PEG3: variants seen among roughly 807,000 people sequenced by gnomAD.
PEG3 encodes the protein paternally-expressed gene 3 protein.
PEG3 carries 23 observed loss-of-function variants against 35.5 expected under a neutral mutation model. That is an observed-to-expected ratio of 0.65 (90% CI 0.47 to 0.92). PEG3 has a LOEUF of 0.92. Ranked by LOEUF, PEG3 falls within the 40% of genes least tolerant of loss-of-function variation. The probability of loss-of-function intolerance (pLI) is 0.00; values close to 1 mark genes in which losing one functional copy is unlikely to be tolerated. For missense variants in PEG3, 1,960 were observed against 1,985.3 expected (o/e 0.99, Z 0.24); for synonymous variants, 707 against 697.0 (o/e 1.01, Z -0.23).
rs755587109 is a variant in PEG3 at position 56,816,599 on chromosome 19, T to A, written c.1843A>T (p.Asn615Tyr). 2 of 1,613,974 alleles carry A rather than the reference T, an allele frequency of 1.2e-6. No homozygotes were observed. The highest frequency in any genetic ancestry group is 1.7e-6 in the Non-Finnish European group (2 of 1,179,920). The change falls in exon 10 of 10, where the codon AAT becomes TAT. Residue 615 changes from asparagine to tyrosine, a missense_variant. Transcript: ENST00000326441. The part of the protein sequence containing the change: ...GETFRPSPAL[N>Y]EFQKMYGKEK... Reference sequence around the variant, plus strand: ...TTACCATACATTTTCTGAAACTCATTAAGGGCTGGGCTGGGCCTAAAGGTT... The same window carrying A: ...TTACCATACATTTTCTGAAACTCATAAAGGGCTGGGCTGGGCCTAAAGGTT...
rs753319786 is a variant in PEG3, at chr19:56,816,656, G to A, written c.1786C>T (p.His596Tyr). ...FGDDKDNERE[H>Y]ERERERERGE... is the part of the protein sequence containing the mutation. ...CGCTCACGTTCACGTTCACGTTCAT[G>A]TTCACGCTCATTATCTTTGTCATCC... The change falls in exon 10 of 10, where the codon CAT becomes TAT. Residue 596 changes from histidine (H) to tyrosine (Y), a missense_variant. His to Tyr is a moderately conservative substitution (Grantham distance 83, BLOSUM62 2). This residue lies in a region of PEG3 where 798 missense variants were observed against 782.4 expected (regional missense o/e 1.02). Transcript: ENST00000326441. The A allele has an allele frequency of 6.2e-7, 1 of 1,613,906 alleles. No homozygotes were observed. The highest frequency in any genetic ancestry group is 1.1e-5 in the South Asian group (1 of 91,068).
chr19:56,822,508 T>C, intron 6 of PEG3: 1 of 425,230 alleles, frequency 2.4e-6, no homozygotes, highest in Non-Finnish European at 4.1e-6. Flanking sequence ...TTTTTTTTTT[T>C]TAATGCACCA....
At position 56,816,147 on chromosome 19, in the gene PEG3, C is replaced by T. The variant is rs1186310775; in HGVS notation, c.2295G>A (p.Lys765=). The T allele has an allele frequency of 1.1e-5, 18 of 1,613,726 alleles. No homozygotes were observed. The highest frequency in any genetic ancestry group is 1.4e-5 in the Non-Finnish European group (17 of 1,179,870). Residue 765 remains lysine (K), a synonymous_variant, in exon 10 of 10, where the codon AAG becomes AAA. Transcript: ENST00000326441. Reference sequence around the variant, plus strand: ...ATGATTTTGCCTCATAGACATTTTCCTTAGTGGGAATCTTCTGGTTTTCAT... The same window carrying T: ...ATGATTTTGCCTCATAGACATTTTCTTTAGTGGGAATCTTCTGGTTTTCAT... ...NPYENQKIPT[K]ENVYEAKSYE...
rs2059644691 is a variant in PEG3 at position 56,813,026 on chromosome 19, A to T, written c.*649T>A. ...AAAGTACTTATCTTTTCAAACAGTA[A>T]GGAGTAAAAGCCATGTTATCTATCA... On this transcript the variant is annotated 3_prime_UTR_variant, in exon 10 of 10. Transcript: ENST00000326441. The T allele has an allele frequency of 3.0e-6, 3 of 985,680 alleles. No individual in the cohort carries two copies. Among genetic ancestry groups the T allele is most frequent in the South Asian group, 4.7e-5 (1 of 21,284 alleles). The allele number at this position is 985,680 out of a possible 1,614,324, so 61.1% of individuals were successfully genotyped here. A position where few individuals can be genotyped will look rare whatever the true frequency, so the allele number is the denominator to read the frequency against.
chr19:56,814,676 T>C lies in PEG3; in HGVS notation c.3766A>G (p.Ser1256Gly). 1.2e-6 allele frequency: 2 copies of C among 1,614,122 alleles called. No individual in the cohort carries two copies. Among genetic ancestry groups the C allele is most frequent in the Non-Finnish European group, 1.7e-6 (2 of 1,179,996 alleles). Reference protein sequence around the residue: ...LHREDDLLEQSQMAEEAIIPG... With the variant: ...LHREDDLLEQGQMAEEAIIPG... ...ATGATAGCTTCCTCAGCCATCTGGCTCTGCTCCAGTAAATCATCTTCCCTA... is the reference window on the plus strand; with the variant it reads ...ATGATAGCTTCCTCAGCCATCTGGCCCTGCTCCAGTAAATCATCTTCCCTA... Residue 1256 changes from serine (S) to glycine (G), a missense_variant, in exon 10 of 10, where the codon AGC becomes GGC. Ser to Gly is a moderately conservative substitution (Grantham distance 56, BLOSUM62 0). Around this residue, in one of 5 missense-constraint regions of PEG3, gnomAD observed 416 missense variants for 416.7 expected, o/e 1.00. Coordinates refer to ENST00000326441, the MANE Select transcript of PEG3 (RefSeq NM_006210.3). The surrounding 1 kb of genome is among the most constrained non-coding windows in gnomAD (Gnocchi z 5.8).
At position 56,815,440 on chromosome 19, in the gene PEG3, T is replaced by C. The variant is rs201590453; in HGVS notation, c.3002A>G (p.Asn1001Ser). ...HDREKPSGSR[N>S]YEWSVIRSLA... is the part of the protein sequence containing the mutation. Reference sequence around the variant, plus strand: ...GCTGCGAATGACAGACCATTCATAGTTTCTGCTTCCAGAGGGCTTCTCCCT... The same window carrying C: ...GCTGCGAATGACAGACCATTCATAGCTTCTGCTTCCAGAGGGCTTCTCCCT... The change falls in exon 10 of 10, where the codon AAC becomes AGC. Residue 1001 changes from asparagine to serine, a missense_variant. Asn to Ser is a conservative substitution (Grantham distance 46, BLOSUM62 1). Coordinates refer to ENST00000326441, the MANE Select transcript of PEG3 (RefSeq NM_006210.3). 72 of 1,614,010 alleles carry C rather than the reference T, an allele frequency of 4.5e-5. No homozygotes were observed. Among genetic ancestry groups the C allele is most frequent in the Non-Finnish European group, 3.4e-6 (4 of 1,179,990 alleles).
intron 1 of PEG3, among the ~76,000 whole-genome samples, chr19:56,839,965 G>A (rs2062796598): frequency 6.6e-6 from 1 of 152,236 alleles, no homozygotes; most frequent in Non-Finnish European, 1.5e-5. Flanking sequence ...GAGAGGGCGG[G>A]GAAAGAAAAC....
chr19:56,836,418 C>T (rs2286752), intron 1 of PEG3, among the ~76,000 whole-genome samples: 103,737 of 152,010 alleles, frequency 0.68, 37,589 homozygotes, highest in South Asian at 0.84. Flanking sequence ...CCATTTTTGG[C>T]GCTGGCCGTC....
At position 56,810,749 on chromosome 19, in the gene PEG3, C is replaced by T. The variant is rs77039306; in HGVS notation, c.*2926G>A. ...ACATATTTAACACTGTTATCACAAG[C>T]GTGTGCACTGAAACAAGATAGAGGA... On this transcript the variant is annotated 3_prime_UTR_variant, in exon 10 of 10. Transcript: ENST00000326441. 2,217 of 983,856 alleles carry T rather than the reference C, an allele frequency of 2.3e-3. 49 individuals are homozygous for T. The African/African-American group carries it at 0.034, about 15-fold the overall frequency. 60.9% of individuals were successfully genotyped at this position (983,856 alleles called of 1,614,324 possible).
chr19:56,816,506 G>T lies in PEG3; in HGVS notation c.1936C>A (p.Gln646Lys). The T allele has an allele frequency of 6.2e-7, 1 of 1,613,042 alleles. No homozygotes were observed. Among genetic ancestry groups the T allele is most frequent in the Non-Finnish European group, 8.5e-7 (1 of 1,179,360 alleles). ...GGGTTCCCTCTAGTATGGATTTTCT[G>T]ATGTTCTTTCAGGGATGAGCTATGA... The part of the protein sequence containing the change: ...FLHSSSLKEH[Q>K]KIHTRGNPFE... Residue 646 changes from glutamine (Q) to lysine (K), a missense_variant, in exon 10 of 10, where the codon CAG becomes AAG. Physicochemically the swap from Gln to Lys is moderately conservative, Grantham distance 53 (BLOSUM62 1). Transcript: ENST00000326441.
intron 3 of PEG3, among the ~76,000 whole-genome samples, chr19:56,825,716 A>G (rs1040144189): frequency 3.9e-5 from 6 of 152,210 alleles, no homozygotes; most frequent in African/African-American, 1.4e-4. Context: ...CTGGGAGCAT[A>G]AACTACCTAC....
rs1447352164 is a variant in PEG3, at chr19:56,816,063, T to C, written c.2379A>G (p.Val793=). 1 of 1,603,186 alleles carries C rather than the reference T, an allele frequency of 6.2e-7. No homozygotes were observed. Among genetic ancestry groups the C allele is most frequent in the African/African-American group, 1.3e-5 (1 of 74,500 alleles). Residue 793 remains valine (V), a synonymous_variant, in exon 10 of 10, where the codon GTA becomes GTG. Coordinates refer to ENST00000326441, the MANE Select transcript of PEG3 (RefSeq NM_006210.3). ...TTACTTTTGGTTTACTGGGCCCTGC[T>C]ACACTGTGACTTTTCTGAGCTTCCA... ...ASVEAQKSHS[V]AGPSKPKVMA...
In PEG3 at chr19:56,813,718, T is replaced by A; in HGVS notation, c.4724A>T (p.Asp1575Val). The A allele has an allele frequency of 1.2e-6, 2 of 1,614,048 alleles. No individual in the cohort carries two copies. The highest frequency in any genetic ancestry group is 1.1e-5 in the South Asian group (1 of 91,074). The change falls in exon 10 of 10, where the codon GAC becomes GTC. Residue 1575 changes from aspartate (D) to valine (V), a missense_variant. Transcript: ENST00000326441. ...KCDVCGQLFN[D>V]RLSLARHQNT... The stretch of plus-strand genomic sequence containing the variant: ...CTGGTGTCTGGCGAGGGACAGGCGG[T>A]CATTGAAGAGCTGCCCACAGACGTC...
chr19:56,817,502 T>C lies in PEG3; in HGVS notation c.940A>G (p.Ile314Val), dbSNP rs1362407666. Residue 314 changes from isoleucine to valine, a missense_variant, in exon 10 of 10, where the codon ATA becomes GTA. Physicochemically the swap from Ile to Val is conservative, Grantham distance 29. Transcript: ENST00000326441. The part of the protein sequence containing the change: ...ICEDESSHGV[I>V]MEKFIKDVSR... Reference sequence around the variant, plus strand: ...ACATCCTTGATGAATTTTTCCATTATCACTCCGTGGGAAGATTCATCTTCA... The same window carrying C: ...ACATCCTTGATGAATTTTTCCATTACCACTCCGTGGGAAGATTCATCTTCA... The C allele has an allele frequency of 1.2e-6, 2 of 1,612,484 alleles. No individual in the cohort carries two copies. Among genetic ancestry groups the C allele is most frequent in the Admixed American group, 1.7e-5 (1 of 59,892 alleles).
chr19:56,815,143 T>A lies in PEG3; in HGVS notation c.3299A>T (p.Asp1100Val). The change falls in exon 10 of 10, where the codon GAT becomes GTT. Residue 1100 changes from aspartate to valine, a missense_variant. Physicochemically the swap from Asp to Val is radical, Grantham distance 152. This residue lies in a region of PEG3 where 798 missense variants were observed against 782.4 expected (regional missense o/e 1.02). Coordinates refer to ENST00000326441, the MANE Select transcript of PEG3 (RefSeq NM_006210.3). The stretch of plus-strand genomic sequence containing the variant: ...TTCATAGATTTTGTCATCAGGGTCA[T>A]CCTTCTGAGGGTCTTCCATGTCTGA... ...QGSDMEDPQK[D>V]DPDDKIYECE... is the part of the protein sequence containing the mutation. 1 of 1,613,972 alleles carries A rather than the reference T, an allele frequency of 6.2e-7. No homozygotes were observed. The highest frequency in any genetic ancestry group is 8.5e-7 in the Non-Finnish European group (1 of 1,179,948).
chr19:56,835,197 A>G (rs996660937), intron 2 of PEG3, among the ~76,000 whole-genome samples: 15 of 152,082 alleles, frequency 9.9e-5, no homozygotes, highest in African/African-American at 3.6e-4. Context: ...TGCACCCTGA[A>G]ACCAGATGAT....
intron 2 of PEG3, among the ~76,000 whole-genome samples, chr19:56,829,572 G>A (rs958503543): frequency 1.3e-5 from 2 of 152,192 alleles, no homozygotes; most frequent in East Asian, 3.9e-4. Flanking sequence ...GCAACCCAGA[G>A]CCAAAGGCAG....
In PEG3 at chr19:56,814,399, G is replaced by C; in HGVS notation, c.4043C>G (p.Thr1348Ser). The C allele has an allele frequency of 6.2e-7, 1 of 1,613,870 alleles. No individual in the cohort carries two copies. The highest frequency in any genetic ancestry group is 8.5e-7 in the Non-Finnish European group (1 of 1,179,748). The change falls in exon 10 of 10, where the codon ACT (threonine) becomes AGT (serine). Residue 1348 changes from threonine to serine, a missense_variant. This residue lies in a region of PEG3 where 416 missense variants were observed against 416.7 expected (regional missense o/e 1.00). Transcript: ENST00000326441. This position sits in a 1 kb window ranked among gnomAD's most constrained non-coding sequence, Gnocchi z 5.8. Reference protein sequence around the residue: ...GKSFIHSTVLTKHKELHLEEE... With the variant: ...GKSFIHSTVLSKHKELHLEEE... ...TTCCAGATGAAGCTCCTTATGTTTA[G>C]TGAGGACTGTGCTATGAATAAAGGA...
Position 56,818,643 on chromosome 19 carries a change from TGTG to T in PEG3, c.726_728del (p.Asn242_Thr243delinsLys). 6.2e-7 allele frequency: 1 copy of T among 1,614,194 alleles called. No individual in the cohort carries two copies. The highest frequency in any genetic ancestry group is 8.5e-7 in the Non-Finnish European group (1 of 1,180,036). On this transcript the variant is annotated inframe_deletion, in exon 8 of 10. Coordinates refer to ENST00000326441, the MANE Select transcript of PEG3 (RefSeq NM_006210.3). ...TGTAGTTTTCCATGTTGTCCTGGAT[TGTG>T]TTGTGAGGTTTCCTGTCCTCAGCGA...
Sources: gnomAD v4.1 joint callset for allele counts (sites outside exome capture counted in the v4.1 genomes callset) on GRCh38, gnomAD v4.1.1 for gene constraint, gnomAD v4.1.1 regional missense constraint, Gnocchi (gnomAD v3.1) non-coding constraint, MANE v1.5 for transcripts, NCBI Gene and HGNC (gene_info 2026-07-23, HGNC 2026-07-21) for gene names.